The following STPG2 variants were observed in gnomAD, a reference collection of about 807,000 sequenced individuals.
The protein encoded by STPG2 is sperm-tail PG-rich repeat-containing protein 2.
A neutral mutation model predicts 54.2 loss-of-function variants in STPG2; 56 were observed. That is an observed-to-expected ratio of 1.03 (90% CI 0.83 to 1.29). The LOEUF (loss-of-function observed/expected upper bound fraction) is 1.29. Among genes scored for constraint, STPG2 ranks in the 50% most tolerant of loss-of-function variants. STPG2 has a pLI of 0.00. For missense variants in STPG2, 596 were observed against 544.9 expected (o/e 1.09, Z -0.93); for synonymous variants, 200 against 181.8 (o/e 1.10, Z -0.81).
intron 5 of STPG2, among the ~76,000 whole-genome samples, chr4:98,006,505 G>A (rs998774026): frequency 6.6e-6 from 1 of 152,192 alleles, no homozygotes; most frequent in African/African-American, 2.4e-5. Flanking sequence ...ATCAAGCTGG[G>A]AAGAATTTAG....
chr4:97,713,431 G>A lies in STPG2; in HGVS notation c.1205-617C>T, dbSNP rs537107350. On this transcript the variant is annotated intron_variant, in intron 9 of 10. Transcript: ENST00000295268. ...TGTAGGTAAAGCCCAAGTTGAAAAG[G>A]TTTGAATTATTTTTATTCACAACAT... Among the ~76,000 whole-genome samples, 10 of 152,272 alleles carry A rather than the reference G, an allele frequency of 6.6e-5. No homozygotes were observed. In the South Asian group the frequency reaches 2.1e-3, roughly 32 times the overall value.
rs151147540 is a variant in STPG2, at chr4:97,681,456, T to A, written c.1320+31243A>T. 2.0e-4 allele frequency among the ~76,000 whole-genome samples: 31 copies of A among 151,914 alleles called. No homozygotes were observed. The East Asian group carries it at 2.9e-3, about 14-fold the overall frequency. ...TCACTGCCTAAAATAAAGAAAAAAA[T>A]TTTTTAAATTAATCTGTGACAGATG... On this transcript the variant is annotated intron_variant, in intron 10 of 10. Coordinates refer to ENST00000295268, the MANE Select transcript of STPG2 (RefSeq NM_174952.3).
At chr4:97,639,594 G>A (rs949530222) in intron 10 of STPG2, among the ~76,000 whole-genome samples, 1 of 151,486 alleles carries the variant, frequency 6.6e-6, no homozygotes, top group African/African-American at 2.4e-5. Context: ...GAATTAAAAT[G>A]GTTTAAACAA....
rs1228010277 is a variant in STPG2, at chr4:97,587,430, G to A, written c.1321-28313C>T. On this transcript the variant is annotated intron_variant, in intron 10 of 10. Transcript: ENST00000295268. ...GGATATGTGGCTTTATAGCTTCTTG[G>A]TAACTGAAGAAGTACAATGAGGATA... Among the ~76,000 whole-genome samples, 4 of 151,802 alleles carry A rather than the reference G, an allele frequency of 2.6e-5. No individual in the cohort carries two copies. The East Asian group carries it at 5.8e-4, about 22-fold the overall frequency.
At chr4:97,938,875 C>G (rs777345789) in intron 8 of STPG2, among the ~76,000 whole-genome samples, 1 of 152,022 alleles carries the variant, frequency 6.6e-6, no homozygotes, top group African/African-American at 2.4e-5. Flanking sequence ...GTGGGAGCCT[C>G]TGACCACCAC....
chr4:97,777,821 G>C (rs1726429880), intron 9 of STPG2, among the ~76,000 whole-genome samples: 1 of 152,134 alleles, frequency 6.6e-6, no homozygotes, highest in South Asian at 2.1e-4. Context: ...ATTCATAGTG[G>C]ATTAACCATT....
At chr4:97,446,771 G>A (rs1261443006) in intron 4 of STPG2, among the ~76,000 whole-genome samples, 1 of 152,152 alleles carries the variant, frequency 6.6e-6, no homozygotes, top group African/African-American at 2.4e-5. Context: ...CACCATGATT[G>A]TAAGTTTCCC....
chr4:97,831,539 A>C (rs1217496531), intron 9 of STPG2, among the ~76,000 whole-genome samples: 2 of 152,130 alleles, frequency 1.3e-5, no homozygotes, highest in East Asian at 1.9e-4. Context: ...GAAATGAAGG[A>C]GATAGAGACA....
chr4:97,963,122 G>T (rs1458582081), intron 7 of STPG2, among the ~76,000 whole-genome samples: 1 of 151,994 alleles, frequency 6.6e-6, no homozygotes, highest in African/African-American at 2.4e-5. Context: ...TCGCACCATT[G>T]TACTCCAGCC....
intron 8 of STPG2, among the ~76,000 whole-genome samples, chr4:97,935,801 T>C (rs988894246): frequency 6.6e-6 from 1 of 152,160 alleles, no homozygotes; most frequent in African/African-American, 2.4e-5. Flanking sequence ...CTTCCAATTA[T>C]GTGATCGATT....
At chr4:97,834,284 C>T (rs1164517289) in intron 9 of STPG2, among the ~76,000 whole-genome samples, 1 of 152,126 alleles carries the variant, frequency 6.6e-6, no homozygotes, top group African/African-American at 2.4e-5. Flanking sequence ...CACATGTTCT[C>T]ACTCATAAGT....
intron 5 of STPG2, among the ~76,000 whole-genome samples, chr4:97,997,899 C>A (rs190383961): frequency 5.3e-5 from 8 of 152,206 alleles, no homozygotes; most frequent in African/African-American, 1.9e-4. Flanking sequence ...ATATAACAAA[C>A]CTGCCCAGGT....
chr4:97,546,073 A>G (rs1731827176), intron 4 of STPG2, among the ~76,000 whole-genome samples: 1 of 151,996 alleles, frequency 6.6e-6, no homozygotes. Context: ...CAACTTAGTC[A>G]TCTCATCTTT....
chr4:97,709,487 TATACTC>T (rs141692682), intron 10 of STPG2, among the ~76,000 whole-genome samples: 2,305 of 116,324 alleles, frequency 0.02, 54 homozygotes, highest in African/African-American at 0.071. Context: ...AATTAAAAAT[TATACTC>T]ATAAAATGAA....
intron 4 of STPG2, among the ~76,000 whole-genome samples, chr4:97,545,801 A>C (rs1215743829): frequency 6.6e-6 from 1 of 152,108 alleles, no homozygotes; most frequent in Non-Finnish European, 1.5e-5. Flanking sequence ...AAATATGTAA[A>C]GGCAAAGCAC....
At chr4:97,585,207 A>G (rs1732967789) in intron 10 of STPG2, among the ~76,000 whole-genome samples, 1 of 151,600 alleles carries the variant, frequency 6.6e-6, no homozygotes, top group Non-Finnish European at 1.5e-5. Context: ...GGATGCAGGG[A>G]TGGTTTAACA....
intron 10 of STPG2, among the ~76,000 whole-genome samples, chr4:97,677,382 G>C (rs1157988997): frequency 6.6e-6 from 1 of 152,196 alleles, no homozygotes; most frequent in South Asian, 2.1e-4. Flanking sequence ...TGATGACTGG[G>C]TTGTAATAGT....
At chr4:97,464,033 C>A (rs1447370592) in intron 4 of STPG2, among the ~76,000 whole-genome samples, 1 of 152,090 alleles carries the variant, frequency 6.6e-6, no homozygotes, top group Non-Finnish European at 1.5e-5. Flanking sequence ...ATCTTGGTTT[C>A]TTCAAGTCTT....
At chr4:98,029,428 T>C (rs1736526443) in intron 5 of STPG2, among the ~76,000 whole-genome samples, 1 of 152,182 alleles carries the variant, frequency 6.6e-6, no homozygotes, top group African/African-American at 2.4e-5. Context: ...TTATGAAATA[T>C]CCCTCTTTAT....
Sources: allele counts gnomAD v4.1 joint callset (sites outside exome capture counted in the v4.1 genomes callset), GRCh38; gene constraint gnomAD v4.1.1; transcripts MANE v1.5; gene names NCBI Gene and HGNC (gene_info 2026-07-23, HGNC 2026-07-21).